The following SLC25A21 variants were observed in gnomAD, a reference collection of about 807,000 sequenced individuals.
SLC25A21 encodes the protein solute carrier family 25 member 21.
SLC25A21 carries 47 observed loss-of-function variants against 43.8 expected under a neutral mutation model. The ratio of observed to expected loss-of-function variants is 1.07; its 90% CI spans 0.85 to 1.37. SLC25A21 has a LOEUF of 1.37. Among genes scored for constraint, SLC25A21 ranks in the 40% most tolerant of loss-of-function variants. SLC25A21 has a pLI of 0.00. For missense variants in SLC25A21, 352 were observed against 350.2 expected, an observed-to-expected ratio of 1.00 and a Z score of -0.04; for synonymous variants, 131 against 121.3, an observed-to-expected ratio of 1.08 and a Z score of -0.52.
chr14:36,991,954 T>C (rs982858212), intron 1 of SLC25A21, among the ~76,000 whole-genome samples: 5 of 152,208 alleles, frequency 3.3e-5, no homozygotes, highest in Non-Finnish European at 5.9e-5. Flanking sequence ...CCTTATGAGA[T>C]TGGGTGACAT....
chr14:36,764,037 AAAG>A (rs1886267314), intron 3 of SLC25A21, among the ~76,000 whole-genome samples: 1 of 9,678 alleles, frequency 1.0e-4, no homozygotes, highest in African/African-American at 4.4e-4. Context: ...AAAGAAAGAA[AAAG>A]AAAGAAAGAA....
intron 3 of SLC25A21, among the ~76,000 whole-genome samples, chr14:36,755,786 A>G (rs779023447): frequency 6.6e-6 from 1 of 152,222 alleles, no homozygotes; most frequent in Non-Finnish European, 1.5e-5. Context: ...ACTGGCCACC[A>G]GCTCCACAGC....
chr14:37,085,245 G>A (rs983860241), intron 1 of SLC25A21, among the ~76,000 whole-genome samples: 2 of 152,020 alleles, frequency 1.3e-5, no homozygotes, highest in African/African-American at 4.8e-5. Flanking sequence ...CACGCTCGTT[G>A]GATGACATCA....
intron 3 of SLC25A21, among the ~76,000 whole-genome samples, chr14:36,810,961 G>GGGGAAAGAAT (rs1555329750): frequency 6.6e-6 from 1 of 150,600 alleles, no homozygotes; most frequent in African/African-American, 2.4e-5. Context: ...AGAAAAGAGG[G>GGGGAAAGAAT]TCAGGGAGGG....
intron 1 of SLC25A21, among the ~76,000 whole-genome samples, chr14:37,130,391 C>A (rs188054372): frequency 6.6e-6 from 1 of 152,264 alleles, no homozygotes; most frequent in East Asian, 1.9e-4. Flanking sequence ...TTAAAGCAAC[C>A]TAGATTCCAC....
chr14:36,963,609 T>A (rs1027589268), intron 1 of SLC25A21, among the ~76,000 whole-genome samples: 1 of 152,156 alleles, frequency 6.6e-6, no homozygotes, highest in Non-Finnish European at 1.5e-5. Context: ...GTTTTGCTAG[T>A]GGAACACGGG....
chr14:37,110,080 C>A (rs1962990493), intron 1 of SLC25A21, among the ~76,000 whole-genome samples: 1 of 152,120 alleles, frequency 6.6e-6, no homozygotes, highest in Non-Finnish European at 1.5e-5. Context: ...CCTGTGCTTT[C>A]CATAAAGAAC....
chr14:36,866,827 G>T (rs1890226624), intron 2 of SLC25A21, among the ~76,000 whole-genome samples: 1 of 152,128 alleles, frequency 6.6e-6, no homozygotes, highest in South Asian at 2.1e-4. Flanking sequence ...CAAAGACTTT[G>T]TATGAAAAAC....
intron 1 of SLC25A21, among the ~76,000 whole-genome samples, chr14:36,914,193 A>T (rs536119272): frequency 1.3e-5 from 2 of 152,238 alleles, no homozygotes; most frequent in South Asian, 4.1e-4. Context: ...ATTTACTTCC[A>T]GATTCCCTTC....
intron 1 of SLC25A21, among the ~76,000 whole-genome samples, chr14:36,990,823 G>A (rs974530765): frequency 2.0e-5 from 3 of 151,956 alleles, no homozygotes; most frequent in Admixed American, 2.0e-4. Context: ...CGAGGTTGCA[G>A]TGAGCCATGT....
At chr14:36,938,765 T>C (rs1892486993) in intron 1 of SLC25A21, among the ~76,000 whole-genome samples, 1 of 151,928 alleles carries the variant, frequency 6.6e-6, no homozygotes, top group South Asian at 2.1e-4. Context: ...AGAAACCTGA[T>C]GAAAACCAAT....
intron 2 of SLC25A21, among the ~76,000 whole-genome samples, chr14:36,818,751 T>C (rs1888535991): frequency 6.6e-6 from 1 of 152,234 alleles, no homozygotes. Context: ...TGGTCAATCA[T>C]GTAAAACAGC....
chr14:36,914,379 T>C (rs1255184220), intron 1 of SLC25A21, among the ~76,000 whole-genome samples: 1 of 152,180 alleles, frequency 6.6e-6, no homozygotes, highest in Non-Finnish European at 1.5e-5. Context: ...AGCAGTTGAT[T>C]GCCAATGGAA....
At chr14:36,708,722 C>A (rs1193103047) in intron 7 of SLC25A21, among the ~76,000 whole-genome samples, 1 of 150,150 alleles carries the variant, frequency 6.7e-6, no homozygotes, top group African/African-American at 2.4e-5. Context: ...CAGATGTGCA[C>A]AATCACACCT....
At chr14:37,080,322 G>A (rs1364976681) in intron 1 of SLC25A21, among the ~76,000 whole-genome samples, 15 of 152,166 alleles carry the variant, frequency 9.9e-5, no homozygotes, top group Admixed American at 9.8e-4. Context: ...GCCAAGAGCG[G>A]TGCCTCATGC....
At chr14:36,734,264 G>A (rs999675260) in intron 4 of SLC25A21, among the ~76,000 whole-genome samples, 27 of 151,926 alleles carry the variant, frequency 1.8e-4, no homozygotes, top group African/African-American at 6.5e-4. Context: ...TATTCACCAT[G>A]TTGTTTTTTG....
chr14:37,160,440 G>A (rs764428739), intron 1 of SLC25A21, among the ~76,000 whole-genome samples: 3 of 152,112 alleles, frequency 2.0e-5, no homozygotes, highest in Admixed American at 6.5e-5. Flanking sequence ...ACTGGAGGTC[G>A]TTATCTTAAG....
chr14:36,729,655 T>C (rs539822123), intron 4 of SLC25A21, 89 bp from the exon 5 acceptor site: 5 of 1,090,726 alleles, frequency 4.6e-6, no homozygotes, highest in Middle Eastern at 5.3e-4. Flanking sequence ...TAAATCATTA[T>C]GTTAACCAGC....
At chr14:36,749,118 G>T (rs1032166689) in intron 3 of SLC25A21, among the ~76,000 whole-genome samples, 1 of 152,068 alleles carries the variant, frequency 6.6e-6, no homozygotes, top group African/African-American at 2.4e-5. Flanking sequence ...GCTGTTTTCT[G>T]TACCTGTCTT....
Sources: gnomAD v4.1 joint callset for allele counts (sites outside exome capture counted in the v4.1 genomes callset) on GRCh38, gnomAD v4.1.1 for gene constraint, MANE v1.5 for transcripts, NCBI Gene and HGNC (gene_info 2026-07-23, HGNC 2026-07-21) for gene names.